SAMD3: variants seen among roughly 807,000 people sequenced by gnomAD.
SAMD3 encodes sterile alpha motif domain-containing protein 3.
Under a neutral mutation model 58.5 loss-of-function variants are expected in SAMD3, and 63 were observed. That is an observed-to-expected ratio of 1.08 (90% CI 0.88 to 1.33). The LOEUF is 1.33. Among genes scored for constraint, SAMD3 ranks in the 40% most tolerant of loss-of-function variants. The pLI, the probability that SAMD3 is intolerant of heterozygous loss-of-function variation, is 0.00. For missense variants in SAMD3, 604 were observed against 608.4 expected (o/e 0.99, Z 0.08); for synonymous variants, 220 against 210.3 (o/e 1.05, Z -0.40).
chr6:130,291,916 T>C (rs2114963836), intron 2 of SAMD3, among the ~76,000 whole-genome samples: 1 of 152,310 alleles, frequency 6.6e-6, no homozygotes, highest in East Asian at 1.9e-4. Flanking sequence ...ATATTATGTC[T>C]AAGTGTTCAG....
chr6:130,359,631 A>G (rs777795090), intron 1 of SAMD3, among the ~76,000 whole-genome samples: 1 of 152,212 alleles, frequency 6.6e-6, no homozygotes, highest in Non-Finnish European at 1.5e-5. Flanking sequence ...ATGTGCTTAC[A>G]AAGATGCCAA....
At chr6:130,144,837 C>A (rs747157559) in intron 11 of SAMD3, 33 bp from the exon 12 acceptor site, 3 of 1,556,478 alleles carry the variant, frequency 1.9e-6, no homozygotes, top group Non-Finnish European at 2.6e-6. Flanking sequence ...TACCATGATA[C>A]GTAAAATAGC....
At chr6:130,143,645 TC>T (rs1788384241), downstream of SAMD3, 1 of 152,204 alleles carries the variant, frequency 6.6e-6, no homozygotes, top group South Asian at 2.1e-4. Flanking sequence ...CACACTTAAA[TC>T]CCTTTTCTGT....
Position 130,329,595 on chromosome 6 carries a change from A to G in SAMD3, c.-303-16502T>C, listed in dbSNP as rs1429059535. 7.2e-5 allele frequency among the ~76,000 whole-genome samples: 11 copies of G among 152,316 alleles called. No individual in the cohort carries two copies. In the East Asian group the frequency reaches 2.1e-3, roughly 29 times the overall value. On this transcript the variant is annotated intron_variant, in intron 1 of 13. Coordinates refer to the SAMD3 transcript ENST00000368134. ...TACCCAAAGGATTATAAATCATTCT[A>G]CTATAAAGACACATGCACACTTATG... is the stretch of plus-strand genomic sequence containing the variant.
At chr6:130,289,691 G>T (rs1385257623) in intron 2 of SAMD3, among the ~76,000 whole-genome samples, 2 of 152,090 alleles carry the variant, frequency 1.3e-5, no homozygotes, top group Non-Finnish European at 2.9e-5. Context: ...GCAGAGATGG[G>T]GTTTCACCAT....
At chr6:130,160,777 CAGGATAA>C (rs1489061676) in intron 8 of SAMD3, 2 of 151,648 alleles carry the variant, frequency 1.3e-5, no homozygotes, top group African/African-American at 4.8e-5. Context: ...GCAGGAGAAC[CAGGATAA>C]TGGATTGTCA....
chr6:130,160,269 C>T (rs1790173933), intron 8 of SAMD3: 1 of 152,136 alleles, frequency 6.6e-6, no homozygotes, highest in Non-Finnish European at 1.5e-5. Flanking sequence ...AAACTGGTTG[C>T]CTGTCACAAT....
At chr6:130,289,951 C>T (rs1399085209) in intron 2 of SAMD3, among the ~76,000 whole-genome samples, 1 of 147,116 alleles carries the variant, frequency 6.8e-6, no homozygotes, top group Non-Finnish European at 1.5e-5. Flanking sequence ...TTAGTTCAGA[C>T]TTTATCACGT....
rs376143972 is a variant in SAMD3 at position 130,285,044 on chromosome 6, C to A, written c.-188+27934G>T. On this transcript the variant is annotated intron_variant, in intron 2 of 13. Coordinates refer to the SAMD3 transcript ENST00000368134. The stretch of plus-strand genomic sequence containing the variant: ...AAGGAAGTAGATAGCTAAACTGAGA[C>A]TGATTTATACATTCAGTTAGTATTC... Among the ~76,000 whole-genome samples the A allele has an allele frequency of 5.1e-4, 77 of 152,202 alleles. 1 individual carries two copies. The highest frequency in any genetic ancestry group is 1.7e-3 in the African/African-American group (70 of 41,524).
At chr6:130,189,925 A>T (rs1793370094) in intron 5 of SAMD3, among the ~76,000 whole-genome samples, 1 of 152,228 alleles carries the variant, frequency 6.6e-6, no homozygotes, top group African/African-American at 2.4e-5. Flanking sequence ...GCCTGAAGGC[A>T]GGCCTCATGC....
At chr6:130,199,547 C>T (rs1794446593) in intron 5 of SAMD3, among the ~76,000 whole-genome samples, 1 of 152,092 alleles carries the variant, frequency 6.6e-6, no homozygotes, top group East Asian at 1.9e-4. Flanking sequence ...CAAACTTTAC[C>T]AAACTACAAG....
chr6:130,185,841 A>G (rs1037367936), intron 5 of SAMD3, among the ~76,000 whole-genome samples: 1 of 151,978 alleles, frequency 6.6e-6, no homozygotes, highest in Non-Finnish European at 1.5e-5. Flanking sequence ...TATGTTGCCC[A>G]GTTTCATCTC....
intron 1 of SAMD3, among the ~76,000 whole-genome samples, chr6:130,363,119 A>C (rs889467438): frequency 6.6e-6 from 1 of 152,194 alleles, no homozygotes; most frequent in East Asian, 1.9e-4. Flanking sequence ...TAAGACTATC[A>C]ATCTATTTCA....
chr6:130,361,421 AT>A (rs755194356), intron 1 of SAMD3, among the ~76,000 whole-genome samples: 8 of 152,122 alleles, frequency 5.3e-5, no homozygotes, highest in Admixed American at 1.3e-4. Context: ...ACTGCATTAT[AT>A]TTTACCAAAA....
At chr6:130,318,824 A>G (rs745873893) in intron 1 of SAMD3, among the ~76,000 whole-genome samples, 1 of 152,224 alleles carries the variant, frequency 6.6e-6, no homozygotes, top group Non-Finnish European at 1.5e-5. Context: ...CAGAAATTAC[A>G]TGGATAATCA....
chr6:130,276,522 T>C (rs1440532428), intron 2 of SAMD3, among the ~76,000 whole-genome samples: 4 of 152,136 alleles, frequency 2.6e-5, no homozygotes, highest in Non-Finnish European at 5.9e-5. Context: ...AAAAATATTA[T>C]AAAGCTATAA....
At chr6:130,333,548 A>G (rs1045076124) in intron 1 of SAMD3, among the ~76,000 whole-genome samples, 2 of 152,240 alleles carry the variant, frequency 1.3e-5, no homozygotes, top group South Asian at 2.1e-4. Flanking sequence ...ACTTGGATCA[A>G]TTAGCAATTC....
chr6:130,204,230 T>C (rs11154532), intron 5 of SAMD3, among the ~76,000 whole-genome samples: 32,277 of 152,088 alleles, frequency 0.21, 4,232 homozygotes, highest in East Asian at 0.44. Flanking sequence ...TCATGCCTTA[T>C]TAGCTACTAA....
chr6:130,209,149 C>T (rs1435961433), intron 5 of SAMD3, among the ~76,000 whole-genome samples: 1 of 152,182 alleles, frequency 6.6e-6, no homozygotes, highest in African/African-American at 2.4e-5. Flanking sequence ...AAAAACTCCA[C>T]CAAGGGATAT....
Sources: gnomAD v4.1 joint callset for allele counts (sites outside exome capture counted in the v4.1 genomes callset) on GRCh38, gnomAD v4.1.1 for gene constraint, MANE v1.5 for transcripts, NCBI Gene and HGNC (gene_info 2026-07-23, HGNC 2026-07-21) for gene names.